RARRES1: variants seen among roughly 807,000 people sequenced by gnomAD.
RARRES1 encodes the protein retinoic acid receptor responder 1, also known as retinoic acid receptor responder protein 1.
RARRES1 carries 34 observed loss-of-function variants against 30.6 expected under a neutral mutation model. The ratio of observed to expected loss-of-function variants is 1.11; its 90% CI spans 0.84 to 1.48. The LOEUF (loss-of-function observed/expected upper bound fraction) is 1.48. Ranked by LOEUF, RARRES1 falls within the 40% of genes most tolerant of loss-of-function variation. The pLI is 0.00. For synonymous variants in RARRES1, 153 were observed against 155.5 expected (o/e 0.98, Z 0.12); for missense variants, 373 against 386.5 (o/e 0.97, Z 0.29).
At chr3:158,725,078 C>T (rs1360595319) in intron 1 of RARRES1, among the ~76,000 whole-genome samples, 1 of 152,152 alleles carries the variant, frequency 6.6e-6, no homozygotes, top group Non-Finnish European at 1.5e-5. Context: ...CCAACCTCGG[C>T]CTCCCAAAGT....
At position 158,697,572 on chromosome 3, in the gene RARRES1, T is replaced by A; in HGVS notation, c.*106A>T. The A allele has an allele frequency of 8.1e-7, 1 of 1,240,962 alleles. No homozygotes were observed. Among genetic ancestry groups the A allele is most frequent in the East Asian group, 2.4e-5 (1 of 42,122 alleles). The allele number at this position is 1,240,962 out of a possible 1,614,324, so 76.9% of individuals were successfully genotyped here. On this transcript the variant is annotated 3_prime_UTR_variant, in exon 6 of 6. Coordinates refer to ENST00000237696, the MANE Select transcript of RARRES1 (RefSeq NM_206963.2). ...TGAGTTTTTACTTGTAATCATAGGT[T>A]TTCCCAAATTATTAGAATGTCTATA...
At chr3:158,725,714 C>T (rs1727663925) in intron 1 of RARRES1, among the ~76,000 whole-genome samples, 1 of 152,158 alleles carries the variant, frequency 6.6e-6, no homozygotes, top group Admixed American at 6.6e-5. Context: ...GTGTAGTTAG[C>T]TTAGGAGATT....
chr3:158,704,725 T>G (rs1384812499), intron 4 of RARRES1, 66 bp downstream of exon 4: 1 of 1,528,772 alleles, frequency 6.5e-7, no homozygotes, highest in Non-Finnish European at 8.8e-7. Flanking sequence ...TCGCATGAAT[T>G]CAGTCTAAGG....
chr3:158,732,149 G>C lies in RARRES1; in HGVS notation c.267C>G (p.Gly89=). ...GTCGCTCCGCACTCACCCACGCGCG[G>C]CCCTCCTGCACCTCGGCCAGCACTC... ...ALRVLAEVQE[G]RAWINPKEGC... The change falls in exon 1 of 6, where the codon GGC becomes GGG. Residue 89 remains glycine (G), a synonymous_variant. Coordinates refer to ENST00000237696, the MANE Select transcript of RARRES1 (RefSeq NM_206963.2). 1 of 1,384,874 alleles carries C rather than the reference G, an allele frequency of 7.2e-7. No individual in the cohort carries two copies. Among genetic ancestry groups the C allele is most frequent in the Non-Finnish European group, 9.3e-7 (1 of 1,076,986 alleles). 85.8% of individuals were successfully genotyped at this position (1,384,874 alleles called of 1,614,324 possible). A position where few individuals can be genotyped will look rare whatever the true frequency, so the allele number is the denominator to read the frequency against.
chr3:158,730,319 CAAA>C (rs58772915), intron 1 of RARRES1, among the ~76,000 whole-genome samples: 1 of 79,408 alleles, frequency 1.3e-5, no homozygotes, highest in African/African-American at 4.9e-5. Context: ...GACTCTGTCT[CAAA>C]AAAAAAAAAA....
intron 3 of RARRES1, 128 bp downstream of exon 3, chr3:158,710,610 A>G (rs970537513): frequency 1.5e-5 from 13 of 855,846 alleles, no homozygotes; most frequent in Non-Finnish European, 2.1e-5. Flanking sequence ...TTAAATTATG[A>G]GGGATACCAC....
chr3:158,696,994 G>C lies in RARRES1; in HGVS notation c.*684C>G, dbSNP rs1283422192. 1 of 152,084 alleles carries C rather than the reference G, an allele frequency of 6.6e-6. No homozygotes were observed. Among genetic ancestry groups the C allele is most frequent in the Non-Finnish European group, 1.5e-5 (1 of 68,026 alleles). The allele number at this position is 152,084 out of a possible 1,614,324, so 9.4% of individuals were successfully genotyped here. On this transcript the variant is annotated 3_prime_UTR_variant, in exon 6 of 6. Coordinates refer to ENST00000237696, the MANE Select transcript of RARRES1 (RefSeq NM_206963.2). ...GACAGCTTTATCTGGTGAGACAGAC[G>C]TTCTATTATTTGTAAAATTTAAGTT...
intron 1 of RARRES1, among the ~76,000 whole-genome samples, chr3:158,717,280 A>C (rs190441034): frequency 2.0e-5 from 3 of 152,358 alleles, no homozygotes; most frequent in Admixed American, 2.0e-4. Context: ...GGAAAGACAG[A>C]GCAAAACAGC....
chr3:158,708,794 G>A (rs1162043042), intron 3 of RARRES1, among the ~76,000 whole-genome samples: 2 of 152,034 alleles, frequency 1.3e-5, no homozygotes, highest in Non-Finnish European at 2.9e-5. Context: ...AGCCTCCCAA[G>A]TAGCTGGGAC....
chr3:158,713,190 C>A (rs1374191726), intron 2 of RARRES1, among the ~76,000 whole-genome samples: 3 of 152,262 alleles, frequency 2.0e-5, no homozygotes, highest in Non-Finnish European at 4.4e-5. Context: ...GCTCTGATTG[C>A]CGCCTTTCAG....
intron 4 of RARRES1, among the ~76,000 whole-genome samples, chr3:158,704,375 G>C (rs183549071): frequency 1.9e-4 from 29 of 151,962 alleles, no homozygotes; most frequent in African/African-American, 6.0e-4. Flanking sequence ...GGGACTATAG[G>C]CATGTGCCAC....
chr3:158,701,761 A>C (rs1227861757), intron 4 of RARRES1, among the ~76,000 whole-genome samples: 1 of 152,212 alleles, frequency 6.6e-6, no homozygotes, highest in Non-Finnish European at 1.5e-5. Context: ...GGATATGTGC[A>C]TACTTTTCTT....
intron 4 of RARRES1, among the ~76,000 whole-genome samples, chr3:158,702,639 C>T (rs1000818676): frequency 3.3e-5 from 5 of 152,166 alleles, no homozygotes; most frequent in Admixed American, 2.0e-4. Context: ...TATCTTGACA[C>T]CATTTTCTAC....
At chr3:158,716,593 T>G (rs1727329878) in intron 1 of RARRES1, among the ~76,000 whole-genome samples, 1 of 151,972 alleles carries the variant, frequency 6.6e-6, no homozygotes, top group Non-Finnish European at 1.5e-5. Flanking sequence ...ACTCTTTTTT[T>G]TTTTTTTGGA....
At chr3:158,702,101 G>C (rs189401343) in intron 4 of RARRES1, among the ~76,000 whole-genome samples, 1 of 152,064 alleles carries the variant, frequency 6.6e-6, no homozygotes, top group African/African-American at 2.4e-5. Flanking sequence ...GCACTAGCAC[G>C]ATCTCACCTC....
intron 1 of RARRES1, among the ~76,000 whole-genome samples, chr3:158,730,765 CTTTA>C (rs1201843414): frequency 6.6e-6 from 1 of 151,082 alleles, no homozygotes; most frequent in African/African-American, 2.4e-5. Flanking sequence ...TTGCCTTTTT[CTTTA>C]TTATTTTATT....
At chr3:158,725,740 G>A (rs182053259) in intron 1 of RARRES1, among the ~76,000 whole-genome samples, 1 of 152,210 alleles carries the variant, frequency 6.6e-6, no homozygotes, top group African/African-American at 2.4e-5. Context: ...AAAGTGCCAA[G>A]GAGGTCAAAG....
chr3:158,728,520 T>C (rs868484896), intron 1 of RARRES1, among the ~76,000 whole-genome samples: 54 of 108,528 alleles, frequency 5.0e-4, no homozygotes, highest in South Asian at 3.0e-3. Flanking sequence ...TTCTTTCTTT[T>C]TTTTTTTTTT....
intron 3 of RARRES1, among the ~76,000 whole-genome samples, chr3:158,709,847 G>T (rs548092306): frequency 6.6e-6 from 1 of 152,232 alleles, no homozygotes; most frequent in Non-Finnish European, 1.5e-5. Context: ...GTGCAGGAAC[G>T]CATGAGCTCT....
Sources: allele counts gnomAD v4.1 joint callset (sites outside exome capture counted in the v4.1 genomes callset), GRCh38; gene constraint gnomAD v4.1.1; transcripts MANE v1.5; gene names NCBI Gene and HGNC (gene_info 2026-07-23, HGNC 2026-07-21).